CCDC66: variants seen among roughly 807,000 people sequenced by gnomAD.
CCDC66 encodes the protein coiled-coil domain-containing protein 66.
CCDC66 carries 133 observed loss-of-function variants against 128.3 expected under a neutral mutation model. The ratio of observed to expected loss-of-function variants is 1.04; its 90% CI spans 0.90 to 1.20. CCDC66 has a LOEUF of 1.20. Among genes scored for constraint, CCDC66 ranks in the 50% most tolerant of loss-of-function variants. CCDC66 has a pLI of 0.00. For synonymous variants in CCDC66, 387 were observed against 357.0 expected (o/e 1.08, Z -0.95); for missense variants, 1,126 against 1,075.5 (o/e 1.05, Z -0.66).
At chr3:56,620,067 TAA>T (rs2076180923) in intron 17 of CCDC66, 166 bp downstream of exon 17, 1 of 620,690 alleles carries the variant, frequency 1.6e-6, no homozygotes. Context: ...GGGACTTTCC[TAA>T]GACTTGCTTT....
chr3:56,589,607 GAC>G lies in CCDC66; in HGVS notation c.937-3359_937-3358del, dbSNP rs547812888. Among the ~76,000 whole-genome samples the G allele has an allele frequency of 4.5e-4, 68 of 152,198 alleles. 1 individual carries two copies. In the East Asian group the frequency reaches 0.012, roughly 27 times the overall value. On this transcript the variant is annotated intron_variant, in intron 7 of 17. Transcript: ENST00000394672. ...TAGGTAAATTTAATAAAAGTGGCTA[GAC>G]ACAAGAATTAATGTACCAGTGTCAT... is the stretch of plus-strand genomic sequence containing the variant.
At chr3:56,594,746 C>T (rs2071569657) in intron 10 of CCDC66, among the ~76,000 whole-genome samples, 1 of 152,052 alleles carries the variant, frequency 6.6e-6, no homozygotes, top group South Asian at 2.1e-4. Flanking sequence ...ATTAAAACTT[C>T]CTGTCCTGAT....
intron 6 of CCDC66, among the ~76,000 whole-genome samples, chr3:56,567,415 A>C (rs1179856061): frequency 6.6e-6 from 1 of 152,184 alleles, no homozygotes; most frequent in Non-Finnish European, 1.5e-5. Context: ...AAGAATATGT[A>C]TTGAGGATGA....
chr3:56,568,168 C>G (rs2066143554), intron 6 of CCDC66, among the ~76,000 whole-genome samples: 1 of 152,176 alleles, frequency 6.6e-6, no homozygotes, highest in African/African-American at 2.4e-5. Flanking sequence ...TCTACAGATG[C>G]AAATCTTCCC....
intron 10 of CCDC66, among the ~76,000 whole-genome samples, chr3:56,600,530 G>A (rs1464046765): frequency 6.6e-6 from 1 of 151,936 alleles, no homozygotes; most frequent in Non-Finnish European, 1.5e-5. Context: ...GGTAGTTCTG[G>A]TTCTGGATCC....
chr3:56,621,504 T>TAACA (rs749564857), intron 17 of CCDC66, 28 bp from the exon 18 acceptor site: 415 of 1,447,694 alleles, frequency 2.9e-4, no homozygotes, highest in Non-Finnish European at 3.7e-4. Flanking sequence ...CACATTTTAC[T>TAACA]AACAAACATA....
At chr3:56,579,973 T>C (rs544280431) in intron 7 of CCDC66, among the ~76,000 whole-genome samples, 24 of 151,968 alleles carry the variant, frequency 1.6e-4, no homozygotes, top group African/African-American at 5.5e-4. Flanking sequence ...TTGTTAACTT[T>C]CTGTCTCGTT....
chr3:56,618,130 A>G, intron 14 of CCDC66, 42 bp from the exon 15 acceptor site: 1 of 1,455,486 alleles, frequency 6.9e-7, no homozygotes, highest in African/African-American at 1.4e-5. Flanking sequence ...ACATGTGAAG[A>G]TGCTATATAT....
chr3:56,598,942 G>A (rs906091470), intron 10 of CCDC66, among the ~76,000 whole-genome samples: 13 of 152,026 alleles, frequency 8.6e-5, no homozygotes, highest in African/African-American at 2.7e-4. Flanking sequence ...CACAGAATGA[G>A]TTAGGGAAAA....
In CCDC66 at chr3:56,563,989, C is replaced by CA; in HGVS notation, c.414dup (p.His139ThrfsTer5). 6.2e-7 allele frequency: 1 copy of CA among 1,613,926 alleles called. No individual in the cohort carries two copies. The highest frequency in any genetic ancestry group is 8.5e-7 in the Non-Finnish European group (1 of 1,179,946). ...CTCTAGTAGGTAAACAGAAGCCTCACAAAAAACACATCACAGCTGAAAACA... is the reference window on the plus strand; with the variant it reads ...CTCTAGTAGGTAAACAGAAGCCTCACAAAAAAACACATCACAGCTGAAAACA... On this transcript the variant is annotated frameshift_variant, in exon 4 of 18. Transcript: ENST00000394672. LOFTEE classifies it high-confidence loss of function.
chr3:56,595,263 T>C (rs966910294), intron 10 of CCDC66, among the ~76,000 whole-genome samples: 1 of 152,234 alleles, frequency 6.6e-6, no homozygotes, highest in African/African-American at 2.4e-5. Context: ...TCAAGTTTAC[T>C]AGCCAATTTG....
chr3:56,606,349 C>T (rs35728519), intron 10 of CCDC66, among the ~76,000 whole-genome samples: 4,928 of 152,164 alleles, frequency 0.032, 120 homozygotes, highest in Middle Eastern at 0.078. Context: ...ACAGTTAGCT[C>T]GGTGTCTGCA....
rs770933883 is a variant in CCDC66 at position 56,617,610 on chromosome 3, A to C, written c.2337+5A>C. On this transcript the variant is annotated splice_donor_5th_base_variant and intron_variant, in intron 14 of 17. Transcript: ENST00000394672. ...AGGTGGCATCTAGTCAAAAAGGTAAAGCTCTTCCATCTTAGATGATGTGTT... is the reference window on the plus strand; with the variant it reads ...AGGTGGCATCTAGTCAAAAAGGTAACGCTCTTCCATCTTAGATGATGTGTT... 8 of 1,587,372 alleles carry C rather than the reference A, an allele frequency of 5.0e-6. No homozygotes were observed. In the South Asian group the frequency reaches 8.1e-5, roughly 16 times the overall value.
intron 14 of CCDC66, 173 bp downstream of exon 14, chr3:56,617,778 C>A: frequency 2.9e-6 from 2 of 691,044 alleles, no homozygotes; most frequent in Non-Finnish European, 4.7e-6. Context: ...AAGTTTTATA[C>A]GAACATAGTC....
intron 10 of CCDC66, among the ~76,000 whole-genome samples, chr3:56,607,201 G>A (rs2074198381): frequency 6.6e-6 from 1 of 152,054 alleles, no homozygotes; most frequent in South Asian, 2.1e-4. Flanking sequence ...ATTTTGATGG[G>A]GATTATGTTG....
At chr3:56,621,355 T>C in intron 17 of CCDC66, 177 bp from the exon 18 acceptor site, 1 of 414,428 alleles carries the variant, frequency 2.4e-6, no homozygotes, top group Non-Finnish European at 4.3e-6. Flanking sequence ...CTTACAAATG[T>C]GATAGCTATA....
chr3:56,582,864 A>AT (rs1304641100), intron 7 of CCDC66, among the ~76,000 whole-genome samples: 1 of 145,214 alleles, frequency 6.9e-6, no homozygotes, highest in Non-Finnish European at 1.5e-5. Context: ...TATTATTATT[A>AT]TTATTATTAT....
intron 7 of CCDC66, among the ~76,000 whole-genome samples, chr3:56,580,529 T>A (rs2068172295): frequency 1.3e-5 from 2 of 151,784 alleles, no homozygotes; most frequent in African/African-American, 4.8e-5. Flanking sequence ...ATTTGGCATG[T>A]TTTTGCAGTG....
At chr3:56,618,119 G>GTAGCCCTAAAAAA (rs2075751070) in intron 14 of CCDC66, 53 bp from the exon 15 acceptor site, 1 of 1,339,798 alleles carries the variant, frequency 7.5e-7, no homozygotes, top group African/African-American at 1.4e-5. Flanking sequence ...TATTTGTGGG[G>GTAGCCCTAAAAAA]ACATGTGAAG....
Sources: gnomAD v4.1 joint callset for allele counts (sites outside exome capture counted in the v4.1 genomes callset) on GRCh38, gnomAD v4.1.1 for gene constraint, MANE v1.5 for transcripts, NCBI Gene and HGNC (gene_info 2026-07-23, HGNC 2026-07-21) for gene names.